The following AMIGO3 variants were observed in gnomAD, a reference collection of about 807,000 sequenced individuals.
The protein encoded by AMIGO3 is adhesion molecule with Ig like domain 3.
Under a neutral mutation model 4.3 loss-of-function variants are expected in AMIGO3, and 6 were observed. The observed-to-expected ratio is 1.39, with a 90% confidence interval of 0.76 to 2.75. The LOEUF (loss-of-function observed/expected upper bound fraction) is 2.75, where lower values mean the gene tolerates loss of function less well. AMIGO3 is among the 30% of genes most tolerant of loss of function. AMIGO3 has a pLI of 0.00. For synonymous variants in AMIGO3, 315 were observed against 320.0 expected (o/e 0.98, Z 0.17); for missense variants, 771 against 692.1 (o/e 1.11, Z -1.28).
At position 49,719,063 on chromosome 3, in the gene AMIGO3, G is replaced by GC; in HGVS notation, c.402dup (p.Leu135AlafsTer9). 1 of 1,613,822 alleles carries GC rather than the reference G, an allele frequency of 6.2e-7. No homozygotes were observed. The highest frequency in any genetic ancestry group is 8.5e-7 in the Non-Finnish European group (1 of 1,180,032). On this transcript the variant is annotated frameshift_variant, in exon 1 of 1. Coordinates refer to ENST00000320431, the MANE Select transcript of AMIGO3 (RefSeq NM_198722.3). LOFTEE classifies it low-confidence loss of function (END_TRUNC). Reference sequence around the variant, plus strand: ...TTATTGAACAGAAGCAGCTTCTCCAGCGCCCCCAGCCCGTCGAGGTCGTGG... The same window carrying GC: ...TTATTGAACAGAAGCAGCTTCTCCAGCCGCCCCCAGCCCGTCGAGGTCGTGG...
Position 49,719,125 on chromosome 3 carries a change from A to T in AMIGO3, c.341T>A (p.Leu114His). The T allele has an allele frequency of 6.2e-7, 1 of 1,613,550 alleles. No individual in the cohort carries two copies. The highest frequency in any genetic ancestry group is 8.5e-7 in the Non-Finnish European group (1 of 1,180,002). ...VFVNASGLRL[L>H]DLSSNTLRAL... is the part of the protein sequence containing the mutation. ...CCGCAACGTGTTAGATGATAGATCG[A>T]GCAGCCTCAGGCCGCTGGCGTTGAC... The change falls in exon 1 of 1, where the codon CTC (leucine) becomes CAC (histidine). Residue 114 changes from leucine to histidine, a missense_variant. Transcript: ENST00000320431.
chr3:49,718,724 C>A lies in AMIGO3; in HGVS notation c.742G>T (p.Glu248Ter). Residue 248 changes from glutamate (E) to a stop codon, truncating the protein, a stop_gained, in exon 1 of 1, where the codon GAG becomes TAG. Transcript: ENST00000320431. LOFTEE classifies it low-confidence loss of function (END_TRUNC). Reference protein sequence around the residue: ...GLSAVRDFAREYVCLAFKVPA... With the variant: ...GLSAVRDFAR ...ACCTTGAAGGCCAAGCATACGTACT[C>A]GCGCGCAAAGTCGCGCACGGCGCTC... 2.5e-6 allele frequency: 4 copies of A among 1,612,988 alleles called. No homozygotes were observed. The South Asian group carries it at 4.4e-5, about 18-fold the overall frequency.
rs1194818995 is a variant in AMIGO3, at chr3:49,718,663, C to A, written c.803G>T (p.Arg268Leu). The change falls in exon 1 of 1, where the codon CGC becomes CTC. Residue 268 changes from arginine (R) to leucine (L), a missense_variant. Coordinates refer to ENST00000320431, the MANE Select transcript of AMIGO3 (RefSeq NM_198722.3). ...ASRVRFFQHS[R>L]VFENCSSAPA... ...GGCCGACGAGCAGTTCTCAAAGACG[C>A]GGCTGTGCTGGAAGAAGCGCACGCG... 11 of 1,612,904 alleles carry A rather than the reference C, an allele frequency of 6.8e-6. No homozygotes were observed. Among genetic ancestry groups the A allele is most frequent in the Non-Finnish European group, 8.5e-6 (10 of 1,179,954 alleles).
In AMIGO3 at chr3:49,719,097, C is replaced by A. The variant is rs1407588207; in HGVS notation, c.369G>T (p.Ala123=). ...LLDLSSNTLR[A]LGRHDLDGLG... ...GCCCGTCGAGGTCGTGGCGGCCAAG[C>A]GCCCGCAACGTGTTAGATGATAGAT... The change falls in exon 1 of 1, where the codon GCG becomes GCT. Residue 123 remains alanine (A), a synonymous_variant. Coordinates refer to ENST00000320431, the MANE Select transcript of AMIGO3 (RefSeq NM_198722.3). 7 of 1,613,542 alleles carry A rather than the reference C, an allele frequency of 4.3e-6. No individual in the cohort carries two copies. Among genetic ancestry groups the A allele is most frequent in the Non-Finnish European group, 5.9e-6 (7 of 1,180,012 alleles).
At position 49,718,312 on chromosome 3, in the gene AMIGO3, A is replaced by C; in HGVS notation, c.1154T>G (p.Phe385Cys). The C allele has an allele frequency of 6.2e-7, 1 of 1,613,260 alleles. No homozygotes were observed. Among genetic ancestry groups the C allele is most frequent in the Non-Finnish European group, 8.5e-7 (1 of 1,179,918 alleles). Residue 385 changes from phenylalanine to cysteine, a missense_variant, in exon 1 of 1, where the codon TTC (phenylalanine) becomes TGC (cysteine). Coordinates refer to ENST00000320431, the MANE Select transcript of AMIGO3 (RefSeq NM_198722.3). Reference protein sequence around the residue: ...RPEPEAFNTGFTTLLGCAVGL... With the variant: ...RPEPEAFNTGCTTLLGCAVGL... ...CACGGCACAGCCCAGCAGTGTGGTG[A>C]AGCCTGTGTTGAAAGCCTCGGGCTC...
Position 49,719,394 on chromosome 3 carries a change from C to A in AMIGO3, c.72G>T (p.Glu24Asp). The change falls in exon 1 of 1, where the codon GAG becomes GAT. Residue 24 changes from glutamate to aspartate, a missense_variant. Glu to Asp is a conservative substitution (Grantham distance 45). Transcript: ENST00000320431. ...LRVGLGTPDS[E>D]GFPPRALHNC... ...TGTGGAGCGCACGGGGCGGGAAACC[C>A]TCGGAGTCCGGGGTGCCTAACCCAA... 6.2e-7 allele frequency: 1 copy of A among 1,613,662 alleles called. No homozygotes were observed. Among genetic ancestry groups the A allele is most frequent in the Non-Finnish European group, 8.5e-7 (1 of 1,180,038 alleles).
At position 49,717,344 on chromosome 3, in the gene AMIGO3, A is replaced by T. The variant is rs2080268305; in HGVS notation, c.*607T>A. On this transcript the variant is annotated 3_prime_UTR_variant, in exon 1 of 1. Coordinates refer to ENST00000320431, the MANE Select transcript of AMIGO3 (RefSeq NM_198722.3). ...TGCGTGAAGTTGTGAAGCTTTCAGGAGGTTGGGTGTTGGTGGATGGAGGGA... is the reference window on the plus strand; with the variant it reads ...TGCGTGAAGTTGTGAAGCTTTCAGGTGGTTGGGTGTTGGTGGATGGAGGGA... The T allele has an allele frequency of 6.3e-6, 1 of 157,746 alleles. No homozygotes were observed. Among genetic ancestry groups the T allele is most frequent in the African/African-American group, 2.4e-5 (1 of 41,370 alleles). 9.8% of individuals were successfully genotyped at this position (157,746 alleles called of 1,614,324 possible). A position where few individuals can be genotyped will look rare whatever the true frequency, so the allele number is the denominator to read the frequency against.
chr3:49,718,203 T>G lies in AMIGO3; in HGVS notation c.1263A>C (p.Gln421His), dbSNP rs1239537783. 6.2e-7 allele frequency: 1 copy of G among 1,611,612 alleles called. No individual in the cohort carries two copies. Among genetic ancestry groups the G allele is most frequent in the Admixed American group, 1.7e-5 (1 of 59,980 alleles). ...RRACRCRRWP[Q>H]TPSPLQELSA... is the part of the protein sequence containing the mutation. ...TCAGCTCTTGGAGCGGGCTGGGTGT[T>G]TGGGGCCAGCGGCGGCAGCGGCAGG... The change falls in exon 1 of 1, where the codon CAA becomes CAC. Residue 421 changes from glutamine to histidine, a missense_variant. Transcript: ENST00000320431.
Position 49,717,670 on chromosome 3 carries a change from T to G in AMIGO3, c.*281A>C. On this transcript the variant is annotated 3_prime_UTR_variant, in exon 1 of 1. Transcript: ENST00000320431. ...CTGGGTCTCTCAGCCTCACAGGGCA[T>G]TTGGGCACTAGGAAGTCCGCGGGAA... 7 of 522,278 alleles carry G rather than the reference T, an allele frequency of 1.3e-5. No individual in the cohort carries two copies. Among genetic ancestry groups the G allele is most frequent in the Non-Finnish European group, 2.1e-5 (6 of 290,908 alleles). The allele number at this position is 522,278 out of a possible 1,614,324, so 32.4% of individuals were successfully genotyped here. A position where few individuals can be genotyped will look rare whatever the true frequency, so the allele number is the denominator to read the frequency against.
In AMIGO3 at chr3:49,717,886, A is replaced by G. The variant is rs1193900798; in HGVS notation, c.*65T>C. The G allele has an allele frequency of 7.9e-6, 12 of 1,525,894 alleles. No homozygotes were observed. Among genetic ancestry groups the G allele is most frequent in the Non-Finnish European group, 1.1e-5 (12 of 1,133,414 alleles). 94.5% of individuals were successfully genotyped at this position (1,525,894 alleles called of 1,614,324 possible). A position where few individuals can be genotyped will look rare whatever the true frequency, so the allele number is the denominator to read the frequency against. The stretch of plus-strand genomic sequence containing the variant: ...CCACCAGTATCTGCCAGTTCTCTGG[A>G]CCGAAGCAGGGAGCAGGGCGAGCAG... On this transcript the variant is annotated 3_prime_UTR_variant, in exon 1 of 1. Transcript: ENST00000320431.
At position 49,719,064 on chromosome 3, in the gene AMIGO3, C is replaced by A; in HGVS notation, c.402G>T (p.Ala134=). The A allele has an allele frequency of 6.2e-7, 1 of 1,613,796 alleles. No individual in the cohort carries two copies. Among genetic ancestry groups the A allele is most frequent in the Non-Finnish European group, 8.5e-7 (1 of 1,180,028 alleles). ...LGRHDLDGLG[A]LEKLLLFNNR... is the part of the protein sequence containing the mutation. ...TATTGAACAGAAGCAGCTTCTCCAG[C>A]GCCCCCAGCCCGTCGAGGTCGTGGC... The change falls in exon 1 of 1, where the codon GCG becomes GCT. Residue 134 remains alanine, a synonymous_variant. Coordinates refer to ENST00000320431, the MANE Select transcript of AMIGO3 (RefSeq NM_198722.3).
Position 49,718,136 on chromosome 3 carries a change from G to T in AMIGO3, c.1330C>A (p.Pro444Thr). Residue 444 changes from proline to threonine, a missense_variant, in exon 1 of 1, where the codon CCC becomes ACC. By Grantham distance (38) the Pro-to-Thr change is conservative. Transcript: ENST00000320431. ...SVLSTTPPDA[P>T]SRKASVHKHV... ...TTGTGGACGCTGGCCTTGCGGCTGG[G>T]TGCGTCTGGCGGTGTGGTGCTGAGT... 2 of 1,613,372 alleles carry T rather than the reference G, an allele frequency of 1.2e-6. No homozygotes were observed. The highest frequency in any genetic ancestry group is 2.2e-5 in the South Asian group (2 of 91,088).
chr3:49,718,203 T>C lies in AMIGO3; in HGVS notation c.1263A>G (p.Gln421=). ...TCAGCTCTTGGAGCGGGCTGGGTGT[T>C]TGGGGCCAGCGGCGGCAGCGGCAGG... ...RRACRCRRWP[Q]TPSPLQELSA... Residue 421 remains glutamine (Q), a synonymous_variant, in exon 1 of 1, where the codon CAA becomes CAG. Coordinates refer to ENST00000320431, the MANE Select transcript of AMIGO3 (RefSeq NM_198722.3). 2 of 1,611,612 alleles carry C rather than the reference T, an allele frequency of 1.2e-6. No individual in the cohort carries two copies. The highest frequency in any genetic ancestry group is 1.7e-6 in the Non-Finnish European group (2 of 1,179,150).
At position 49,718,844 on chromosome 3, in the gene AMIGO3, C is replaced by A. The variant is rs764721956; in HGVS notation, c.622G>T (p.Ala208Ser). The change falls in exon 1 of 1, where the codon GCC (alanine) becomes TCC (serine). Residue 208 changes from alanine (A) to serine (S), a missense_variant. Transcript: ENST00000320431. ...ISVPELAALP[A>S]FLKNGLYLHN... ...AAGTAGAGGCCGTTCTTGAGGAAGGCCGGCAGCGCGGCCAGCTCAGGTACG... is the reference window on the plus strand; with the variant it reads ...AAGTAGAGGCCGTTCTTGAGGAAGGACGGCAGCGCGGCCAGCTCAGGTACG... 4 of 1,613,298 alleles carry A rather than the reference C, an allele frequency of 2.5e-6. No individual in the cohort carries two copies. The highest frequency in any genetic ancestry group is 3.4e-6 in the Non-Finnish European group (4 of 1,180,050).
At position 49,719,325 on chromosome 3, in the gene AMIGO3, G is replaced by A. The variant is rs139489151; in HGVS notation, c.141C>T (p.Cys47=). 6.3e-5 allele frequency: 102 copies of A among 1,613,182 alleles called. No homozygotes were observed. The highest frequency in any genetic ancestry group is 7.9e-5 in the Non-Finnish European group (93 of 1,180,026). ...KCICAADLLS[C]TGLGLQDVPA... The stretch of plus-strand genomic sequence containing the variant: ...GCACGTCCTGCAGCCCTAGGCCAGT[G>A]CAGCTTAGCAGGTCGGCAGCGCAGA... Residue 47 remains cysteine (C), a synonymous_variant, in exon 1 of 1, where the codon TGC becomes TGT. Transcript: ENST00000320431.
Position 49,718,114 on chromosome 3 carries a change from T to A in AMIGO3, c.1352A>T (p.His451Leu), listed in dbSNP as rs1244056717. The A allele has an allele frequency of 6.2e-7, 1 of 1,613,556 alleles. No individual in the cohort carries two copies. The highest frequency in any genetic ancestry group is 1.3e-5 in the African/African-American group (1 of 75,082). The change falls in exon 1 of 1, where the codon CAC becomes CTC. Residue 451 changes from histidine to leucine, a missense_variant. By Grantham distance (99) the His-to-Leu change is moderately conservative. Coordinates refer to ENST00000320431, the MANE Select transcript of AMIGO3 (RefSeq NM_198722.3). ...PDAPSRKASV[H>L]KHVVFLEPGR... ...TGGCTCCAGAAAGACTACGTGCTTGTGGACGCTGGCCTTGCGGCTGGGTGC... is the reference window on the plus strand; with the variant it reads ...TGGCTCCAGAAAGACTACGTGCTTGAGGACGCTGGCCTTGCGGCTGGGTGC...
chr3:49,719,054 GCTT>G lies in AMIGO3; in HGVS notation c.409_411del (p.Lys137del). ...ACCAAGCGGTTATTGAACAGAAGCAGCTTCTCCAGCGCCCCCAGCCCGTCGAGG... is the reference window on the plus strand; with the variant it reads ...ACCAAGCGGTTATTGAACAGAAGCAGCTCCAGCGCCCCCAGCCCGTCGAGG... On this transcript the variant is annotated inframe_deletion, in exon 1 of 1. Transcript: ENST00000320431. 6.2e-7 allele frequency: 1 copy of G among 1,613,844 alleles called. No homozygotes were observed. The highest frequency in any genetic ancestry group is 8.5e-7 in the Non-Finnish European group (1 of 1,180,040).
At position 49,718,683 on chromosome 3, in the gene AMIGO3, C is replaced by T; in HGVS notation, c.783G>A (p.Val261=). 2 of 1,613,010 alleles carry T rather than the reference C, an allele frequency of 1.2e-6. No homozygotes were observed. The highest frequency in any genetic ancestry group is 1.1e-5 in the South Asian group (1 of 91,080). ...AGACGCGGCTGTGCTGGAAGAAGCGCACGCGGGACGCGGGTACCTTGAAGG... is the reference window on the plus strand; with the variant it reads ...AGACGCGGCTGTGCTGGAAGAAGCGTACGCGGGACGCGGGTACCTTGAAGG... ...CLAFKVPASR[V]RFFQHSRVFE... Residue 261 remains valine, a synonymous_variant, in exon 1 of 1, where the codon GTG becomes GTA. Coordinates refer to ENST00000320431, the MANE Select transcript of AMIGO3 (RefSeq NM_198722.3).
rs768721294 is a variant in AMIGO3 at position 49,718,797 on chromosome 3, G to T, written c.669C>A (p.Cys223Ter). The T allele has an allele frequency of 5.5e-5, 89 of 1,613,182 alleles. No homozygotes were observed. The Middle Eastern group carries it at 2.5e-3, about 45-fold the overall frequency. The change falls in exon 1 of 1, where the codon TGC (cysteine) becomes TGA (stop). Residue 223 changes from cysteine to a stop codon, truncating the protein, a stop_gained. Coordinates refer to ENST00000320431, the MANE Select transcript of AMIGO3 (RefSeq NM_198722.3). LOFTEE classifies it low-confidence loss of function (END_TRUNC). ...GLYLHNNPLP[C>*]DCRLYHLLQR... ...GTAGCAGGTGGTAGAGGCGGCAGTCGCAAGGCAAAGGGTTGTTGTGCAAGT... is the reference window on the plus strand; with the variant it reads ...GTAGCAGGTGGTAGAGGCGGCAGTCTCAAGGCAAAGGGTTGTTGTGCAAGT...
Sources: gnomAD v4.1 joint callset for allele counts on GRCh38, gnomAD v4.1.1 for gene constraint, MANE v1.5 for transcripts, NCBI Gene and HGNC (gene_info 2026-07-23, HGNC 2026-07-21) for gene names.